Variants in PEX5L observed in about 807,000 individuals in gnomAD.
The protein encoded by PEX5L is peroxisomal biogenesis factor 5 like, also known as PEX5-related protein.
A neutral mutation model predicts 84.0 loss-of-function variants in PEX5L; 30 were observed. The observed-to-expected ratio is 0.36, with a 90% CI of 0.27 to 0.48. The LOEUF is 0.48. Among genes scored for constraint, PEX5L ranks in the 20% least tolerant of loss-of-function variants. The pLI, the probability that PEX5L is intolerant of heterozygous loss-of-function variation, is 0.99. For missense variants in PEX5L, 533 were observed against 754.6 expected (o/e 0.71, Z 3.44); for synonymous variants, 270 against 283.1 (o/e 0.95, Z 0.46).
chr3:179,955,588 AT>A (rs1780327789), intron 2 of PEX5L, among the ~76,000 whole-genome samples: 1 of 150,724 alleles, frequency 6.6e-6, no homozygotes, highest in Admixed American at 6.6e-5. Context: ...GGGCTATGTA[AT>A]TTCTTGACTG....
chr3:179,842,224 CAA>C (rs1258040758), intron 8 of PEX5L, among the ~76,000 whole-genome samples: 2 of 152,268 alleles, frequency 1.3e-5, no homozygotes, highest in East Asian at 3.9e-4. Context: ...GATGTGGAAC[CAA>C]GTCTTCCCAT....
intron 7 of PEX5L, among the ~76,000 whole-genome samples, chr3:179,869,820 T>C (rs1006867477): frequency 2.0e-5 from 3 of 152,230 alleles, no homozygotes; most frequent in African/African-American, 4.8e-5. Context: ...GGATTGAGAA[T>C]GAAATACGGA....
At chr3:180,028,754 C>T (rs1477378228) in intron 1 of PEX5L, among the ~76,000 whole-genome samples, 2 of 152,184 alleles carry the variant, frequency 1.3e-5, no homozygotes, top group African/African-American at 4.8e-5. Context: ...GTTCTTTAAA[C>T]AAAGGATTCT....
rs780422048 is a variant in PEX5L, at chr3:179,898,190, C to T, written c.150G>A (p.Pro50=). The T allele has an allele frequency of 6.2e-7, 1 of 1,613,572 alleles. No individual in the cohort carries two copies. The highest frequency in any genetic ancestry group is 8.5e-7 in the Non-Finnish European group (1 of 1,179,600). ...KAVAMVMKEI[P]REESAEEKPL... ...GCTTTTCTTCAGCAGACTCCTCCCT[C>T]GGTATCTCCTTCATCACCATGGCAA... is the stretch of plus-strand genomic sequence containing the variant. Residue 50 remains proline (P), a synonymous_variant, in exon 3 of 15, where the codon CCG becomes CCA. Transcript: ENST00000467460.
intron 1 of PEX5L, among the ~76,000 whole-genome samples, chr3:179,985,021 G>GA (rs1786677163): frequency 6.6e-6 from 1 of 152,014 alleles, no homozygotes; most frequent in African/African-American, 2.4e-5. Context: ...CCTTTGGATG[G>GA]AAAAAAATAG....
chr3:179,860,402 C>G (rs12107337), intron 7 of PEX5L, among the ~76,000 whole-genome samples: 71,462 of 152,090 alleles, frequency 0.47, 17,143 homozygotes, highest in East Asian at 0.74. Flanking sequence ...TTAGATTGCT[C>G]TGTAGCAGTG....
intron 2 of PEX5L, among the ~76,000 whole-genome samples, chr3:179,938,360 T>G (rs1431936737): frequency 6.6e-6 from 1 of 152,220 alleles, no homozygotes; most frequent in Non-Finnish European, 1.5e-5. Flanking sequence ...TAGAAGGTAT[T>G]TAATCTGTTA....
intron 2 of PEX5L, among the ~76,000 whole-genome samples, chr3:179,959,252 C>T (rs1405404252): frequency 1.3e-5 from 2 of 152,084 alleles, no homozygotes; most frequent in East Asian, 1.9e-4. Context: ...CCTGGGAACA[C>T]GTGGAGCACT....
intron 2 of PEX5L, among the ~76,000 whole-genome samples, chr3:179,899,538 CATT>C (rs1450289316): frequency 1.3e-5 from 2 of 152,112 alleles, no homozygotes; most frequent in Non-Finnish European, 2.9e-5. Flanking sequence ...ACAATTACAT[CATT>C]ATCTTGTGCT....
intron 1 of PEX5L, among the ~76,000 whole-genome samples, chr3:180,031,162 T>C (rs1314035794): frequency 1.3e-5 from 2 of 152,170 alleles, no homozygotes; most frequent in Admixed American, 6.5e-5. Flanking sequence ...CATTATAACA[T>C]TGGCAGTGTG....
intron 3 of PEX5L, among the ~76,000 whole-genome samples, chr3:179,892,135 T>C (rs1197748718): frequency 1.3e-5 from 2 of 152,182 alleles, no homozygotes; most frequent in Non-Finnish European, 2.9e-5. Flanking sequence ...AGTCAGATTA[T>C]CATAGCTGAG....
chr3:179,820,853 A>AAG (rs1314847262), intron 8 of PEX5L, among the ~76,000 whole-genome samples: 3 of 152,204 alleles, frequency 2.0e-5, no homozygotes, highest in Non-Finnish European at 4.4e-5. Context: ...TAAAGAATTT[A>AAG]AGAGAGACAG....
At chr3:179,921,560 C>T (rs1389980518) in intron 2 of PEX5L, 1 of 152,178 alleles carries the variant, frequency 6.6e-6, no homozygotes. Context: ...TACTTTGCAA[C>T]CTACCAAGTA....
intron 2 of PEX5L, among the ~76,000 whole-genome samples, chr3:179,917,627 G>A (rs915454566): frequency 2.6e-5 from 4 of 152,122 alleles, no homozygotes; most frequent in East Asian, 1.9e-4. Flanking sequence ...GACCACTGTC[G>A]TATATGTGGT....
At chr3:179,867,632 A>G (rs913460856) in intron 7 of PEX5L, among the ~76,000 whole-genome samples, 3 of 152,220 alleles carry the variant, frequency 2.0e-5, no homozygotes, top group African/African-American at 7.2e-5. Flanking sequence ...TGTTAGACAC[A>G]AAGATTTCAG....
At chr3:180,028,584 T>C (rs142534901) in intron 1 of PEX5L, among the ~76,000 whole-genome samples, 1 of 152,250 alleles carries the variant, frequency 6.6e-6, no homozygotes, top group Non-Finnish European at 1.5e-5. Flanking sequence ...TAGAGAATTA[T>C]GGTGTAATGA....
At chr3:179,882,587 G>C (rs12488582) in intron 4 of PEX5L, among the ~76,000 whole-genome samples, 13,291 of 152,290 alleles carry the variant, frequency 0.087, 800 homozygotes, top group Non-Finnish European at 0.14. Flanking sequence ...GGTGGGTGTA[G>C]CCTTTCACTC....
intron 8 of PEX5L, chr3:179,820,202 A>C (rs2108949732): frequency 1.8e-6 from 1 of 569,694 alleles, no homozygotes; most frequent in East Asian, 3.0e-5. Flanking sequence ...CTACCATCAG[A>C]AAGACCAGGA....
chr3:180,012,573 T>TA (rs1789583097), intron 1 of PEX5L, among the ~76,000 whole-genome samples: 1 of 152,094 alleles, frequency 6.6e-6, no homozygotes, highest in Non-Finnish European at 1.5e-5. Context: ...GATGTAAAAA[T>TA]ATTGACCCTG....
Sources: allele counts gnomAD v4.1 joint callset (sites outside exome capture counted in the v4.1 genomes callset), GRCh38; gene constraint gnomAD v4.1.1; transcripts MANE v1.5; gene names NCBI Gene and HGNC (gene_info 2026-07-23, HGNC 2026-07-21).